The following ASTN2 variants were observed in gnomAD, a reference collection of about 807,000 sequenced individuals.
The protein encoded by ASTN2 is astrotactin 2, also known as astrotactin-2.
In ASTN2, 54 loss-of-function variants were observed where a neutral mutation model predicts 139.8. That is an observed-to-expected ratio of 0.39 (90% confidence interval 0.31 to 0.48). The LOEUF (loss-of-function observed/expected upper bound fraction) is 0.48. Ranked by LOEUF, ASTN2 falls within the 20% of genes least tolerant of loss-of-function variation. ASTN2 has a pLI of 0.95. For synonymous variants in ASTN2, 756 were observed against 719.5 expected, an observed-to-expected ratio of 1.05 and a Z score of -0.81; for missense variants, 1,565 against 1,725.1, an observed-to-expected ratio of 0.91 and a Z score of 1.64.
intron 10 of ASTN2, among the ~76,000 whole-genome samples, chr9:116,925,704 G>T (rs969191568): frequency 6.6e-6 from 1 of 151,534 alleles, no homozygotes; most frequent in Non-Finnish European, 1.5e-5. Flanking sequence ...TTCCATGTGT[G>T]GGGGGTGGGG....
In ASTN2 at chr9:116,622,372, T is replaced by A. The variant is rs563935134; in HGVS notation, c.3073-1929A>T. Among the ~76,000 whole-genome samples, 11 of 152,310 alleles carry A rather than the reference T, an allele frequency of 7.2e-5. No homozygotes were observed. The South Asian group carries it at 2.1e-3, about 29-fold the overall frequency. On this transcript the variant is annotated intron_variant, in intron 17 of 22. Transcript: ENST00000313400. ...AATGAATGATCAAATTTCACCTGAG[T>A]TAAGTGTCATGACCCAAAGAAATAA...
At chr9:117,310,198 C>T (rs1375306578) in intron 1 of ASTN2, among the ~76,000 whole-genome samples, 2 of 152,148 alleles carry the variant, frequency 1.3e-5, no homozygotes, top group African/African-American at 4.8e-5. Flanking sequence ...CTCAGTCAAA[C>T]ACCTTTCCCT....
chr9:117,338,792 A>G (rs1382648163), intron 1 of ASTN2, among the ~76,000 whole-genome samples: 1 of 152,020 alleles, frequency 6.6e-6, no homozygotes, highest in East Asian at 1.9e-4. Context: ...AAAAAATGCA[A>G]TAACTTTTGC....
chr9:116,432,295 G>C (rs754207682), intron 22 of ASTN2, among the ~76,000 whole-genome samples: 1 of 152,144 alleles, frequency 6.6e-6, no homozygotes, highest in Non-Finnish European at 1.5e-5. Context: ...TTTCCCATTT[G>C]CTGCTGAAGC....
At chr9:116,481,146 G>A (rs1388066187) in intron 20 of ASTN2, among the ~76,000 whole-genome samples, 2 of 151,476 alleles carry the variant, frequency 1.3e-5, no homozygotes, top group African/African-American at 4.8e-5. Flanking sequence ...TCAGCACTTT[G>A]GGAGGCTGAG....
At chr9:117,165,085 T>C (rs563626037) in intron 3 of ASTN2, among the ~76,000 whole-genome samples, 1 of 152,132 alleles carries the variant, frequency 6.6e-6, no homozygotes, top group East Asian at 1.9e-4. Context: ...ACCACTGAGC[T>C]TTGTAACTCC....
intron 13 of ASTN2, among the ~76,000 whole-genome samples, chr9:116,737,434 T>A (rs1025240142): frequency 6.6e-6 from 1 of 151,110 alleles, no homozygotes; most frequent in Non-Finnish European, 1.5e-5. Context: ...CAGGAATAAT[T>A]CAGATTCTTA....
chr9:117,414,648 T>C lies in ASTN2; in HGVS notation c.291A>G (p.Gly97=), dbSNP rs2130988601. The C allele has an allele frequency of 2.9e-6, 4 of 1,362,564 alleles. No individual in the cohort carries two copies. Among genetic ancestry groups the C allele is most frequent in the Non-Finnish European group, 3.8e-6 (4 of 1,064,918 alleles). The allele number at this position is 1,362,564 out of a possible 1,614,324, so 84.4% of individuals were successfully genotyped here. A position where few individuals can be genotyped will look rare whatever the true frequency, so the allele number is the denominator to read the frequency against. ...RAGAGAGTGA[G]AAAAAASPGS... ...CCGGGGACGCGGCGGCGGCGGCGGC[T>C]CCGGCCCCGGTCCCAGCCCCGGCCC... is the stretch of plus-strand genomic sequence containing the variant. Residue 97 remains glycine (G), a synonymous_variant, in exon 1 of 23, where the codon GGA becomes GGG. Transcript: ENST00000313400. The surrounding 1 kb of genome is among the most constrained non-coding windows in gnomAD (Gnocchi z 4.2).
At chr9:117,074,059 A>C (rs564639388) in intron 5 of ASTN2, among the ~76,000 whole-genome samples, 1 of 151,422 alleles carries the variant, frequency 6.6e-6, no homozygotes, top group East Asian at 2.0e-4. Flanking sequence ...GAATAGAAGG[A>C]TGAATGAGCA....
intron 1 of ASTN2, among the ~76,000 whole-genome samples, chr9:117,299,450 A>T (rs1834821720): frequency 6.6e-6 from 1 of 151,996 alleles, no homozygotes; most frequent in South Asian, 2.1e-4. Flanking sequence ...GGATCTAAAA[A>T]CTCTTCATGG....
chr9:116,451,925 CAAT>C (rs924191863), intron 20 of ASTN2, among the ~76,000 whole-genome samples: 6 of 151,832 alleles, frequency 4.0e-5, no homozygotes, highest in Admixed American at 6.6e-5. Flanking sequence ...GCTTTAACAA[CAAT>C]GACTGTGTTT....
intron 20 of ASTN2, among the ~76,000 whole-genome samples, chr9:116,486,000 A>G (rs1342566920): frequency 2.6e-5 from 4 of 152,238 alleles, no homozygotes; most frequent in East Asian, 1.9e-4. Flanking sequence ...TACTGAGCAC[A>G]TGCTTGGAGA....
intron 7 of ASTN2, among the ~76,000 whole-genome samples, chr9:116,981,469 C>A (rs1836511499): frequency 6.6e-6 from 1 of 152,190 alleles, no homozygotes; most frequent in Admixed American, 6.5e-5. Flanking sequence ...TACATCAGAG[C>A]AGAAAAGACC....
intron 1 of ASTN2, among the ~76,000 whole-genome samples, chr9:117,380,243 T>C (rs1830230575): frequency 6.6e-6 from 1 of 152,086 alleles, no homozygotes; most frequent in Non-Finnish European, 1.5e-5. Flanking sequence ...TCGAGCATCA[T>C]AAAAACAAAC....
chr9:117,374,369 T>TAAAAAAAAAAAAA (rs57428022), intron 1 of ASTN2, among the ~76,000 whole-genome samples: 3 of 87,326 alleles, frequency 3.4e-5, no homozygotes, highest in African/African-American at 1.7e-4. Context: ...AGGGCAGGGT[T>TAAAAAAAAAAAAA]AAAAAAAAAA....
At position 116,425,749 on chromosome 9, in the gene ASTN2, A is replaced by G; in HGVS notation, c.*102T>C. 1 of 1,605,914 alleles carries G rather than the reference A, an allele frequency of 6.2e-7. No individual in the cohort carries two copies. The highest frequency in any genetic ancestry group is 8.5e-7 in the Non-Finnish European group (1 of 1,175,680). On this transcript the variant is annotated 3_prime_UTR_variant, in exon 23 of 23. Coordinates refer to ENST00000313400, the MANE Select transcript of ASTN2 (RefSeq NM_001365068.1). Reference sequence around the variant, plus strand: ...CTGGCAAGCTTCATCTGCTAGGCCCATCCTCAGCTGTCCCCCAGCCCACCC... The same window carrying G: ...CTGGCAAGCTTCATCTGCTAGGCCCGTCCTCAGCTGTCCCCCAGCCCACCC...
At chr9:116,731,208 AT>A (rs2132123739) in intron 14 of ASTN2, among the ~76,000 whole-genome samples, 1 of 148,514 alleles carries the variant, frequency 6.7e-6, no homozygotes, top group East Asian at 2.0e-4. Flanking sequence ...AATAATAATA[AT>A]AATAATAATA....
chr9:116,884,844 C>T (rs1366876497), intron 10 of ASTN2, among the ~76,000 whole-genome samples: 62 of 118,830 alleles, frequency 5.2e-4, no homozygotes, highest in African/African-American at 1.8e-3. Flanking sequence ...GAGACGGAGT[C>T]GCACTCTTTC....
At chr9:116,440,980 G>A (rs1428286108) in intron 21 of ASTN2, among the ~76,000 whole-genome samples, 188 bp from the exon 22 acceptor site, 1 of 152,148 alleles carries the variant, frequency 6.6e-6, no homozygotes, top group Non-Finnish European at 1.5e-5. Flanking sequence ...GTCATCTGGA[G>A]GTAATGATGT....
Sources: gnomAD v4.1 joint callset for allele counts (sites outside exome capture counted in the v4.1 genomes callset) on GRCh38, gnomAD v4.1.1 for gene constraint, Gnocchi (gnomAD v3.1) non-coding constraint, MANE v1.5 for transcripts, NCBI Gene and HGNC (gene_info 2026-07-23, HGNC 2026-07-21) for gene names.